The following VWA3B variants were observed in gnomAD, a reference collection of about 807,000 sequenced individuals.
The protein encoded by VWA3B is von Willebrand factor A domain containing 3B.
In VWA3B, 138 loss-of-function variants were observed where a neutral mutation model predicts 158.3. The ratio of observed to expected loss-of-function variants is 0.87; its 90% CI spans 0.76 to 1.00. The LOEUF is 1.00. Among genes scored for constraint, VWA3B ranks in the 50% least tolerant of loss-of-function variants. VWA3B has a pLI of 0.00. For missense variants in VWA3B, 1,555 were observed against 1,565.1 expected, an observed-to-expected ratio of 0.99 and a Z score of 0.11; for synonymous variants, 596 against 587.3, an observed-to-expected ratio of 1.01 and a Z score of -0.21.
chr2:98,278,674 T>C (rs975086894), intron 22 of VWA3B, among the ~76,000 whole-genome samples: 4 of 152,070 alleles, frequency 2.6e-5, no homozygotes, highest in African/African-American at 9.7e-5. Flanking sequence ...CTCAACGACG[T>C]CAGGCTGCTG....
chr2:98,116,897 C>T (rs1371877404), intron 3 of VWA3B, among the ~76,000 whole-genome samples: 1 of 152,172 alleles, frequency 6.6e-6, no homozygotes, highest in Non-Finnish European at 1.5e-5. Flanking sequence ...CTTTCCTCAG[C>T]TTGGTCTAGT....
Position 98,312,217 on chromosome 2 carries a change from C to T in VWA3B, c.3753C>T (p.Phe1251=). Residue 1251 remains phenylalanine (F), a synonymous_variant, in exon 28 of 28, where the codon TTC becomes TTT. Coordinates refer to ENST00000477737, the MANE Select transcript of VWA3B (RefSeq NM_144992.5). The part of the protein sequence containing the change: ...HPEPRTAHLH[F]PAAGRLGLSS... ...TTCCCCAGACAGCCCACCTCCACTTCCCCGCGGCCGGGCGTCTAGGACTCA... is the reference window on the plus strand; with the variant it reads ...TTCCCCAGACAGCCCACCTCCACTTTCCCGCGGCCGGGCGTCTAGGACTCA... 1.2e-6 allele frequency: 2 copies of T among 1,614,210 alleles called. No homozygotes were observed. Among genetic ancestry groups the T allele is most frequent in the Admixed American group, 1.7e-5 (1 of 60,032 alleles).
At chr2:98,153,618 C>G (rs1677817710) in intron 7 of VWA3B, among the ~76,000 whole-genome samples, 1 of 152,188 alleles carries the variant, frequency 6.6e-6, no homozygotes, top group East Asian at 1.9e-4. Flanking sequence ...GGCATTGCTT[C>G]TTTGTTTCTA....
chr2:98,199,086 C>CCA (rs1553411934), intron 12 of VWA3B, among the ~76,000 whole-genome samples: 8 of 143,906 alleles, frequency 5.6e-5, no homozygotes, highest in African/African-American at 2.0e-4. Flanking sequence ...GACTCCGTCT[C>CCA]AAAAAAAAAA....
chr2:98,280,875 C>A (rs552599005), intron 22 of VWA3B, among the ~76,000 whole-genome samples: 1 of 152,202 alleles, frequency 6.6e-6, no homozygotes, highest in South Asian at 2.1e-4. Flanking sequence ...CTTGAGCCCC[C>A]GCCCAGATGT....
Position 98,250,572 on chromosome 2 carries a change from T to C in VWA3B, c.2792+136T>C. ...TAAAAATTGTTCAGGCTGGGTGTGG[T>C]AGTTCATGCCTGTAATCCCAGCACT... is the stretch of plus-strand genomic sequence containing the variant. On this transcript the variant is annotated intron_variant, in intron 20 of 27. Coordinates refer to ENST00000477737, the MANE Select transcript of VWA3B (RefSeq NM_144992.5). 4 of 702,626 alleles carry C rather than the reference T, an allele frequency of 5.7e-6. No individual in the cohort carries two copies. The South Asian group carries it at 6.3e-5, about 11-fold the overall frequency. 43.5% of individuals were successfully genotyped at this position (702,626 alleles called of 1,614,324 possible).
intron 8 of VWA3B, among the ~76,000 whole-genome samples, chr2:98,178,696 C>G (rs1401798565): frequency 6.6e-6 from 1 of 152,184 alleles, no homozygotes; most frequent in African/African-American, 2.4e-5. Flanking sequence ...AATACAGTTG[C>G]CTGGGGAGCT....
At chr2:98,128,057 C>G (rs1675521982) in intron 5 of VWA3B, 182 bp from the exon 6 acceptor site, 2 of 649,816 alleles carry the variant, frequency 3.1e-6, no homozygotes, top group Middle Eastern at 4.1e-4. Context: ...TTCCTGGTAC[C>G]AAGCCTTGAA....
Position 98,163,687 on chromosome 2 carries a change from C to T in VWA3B, c.1114+711C>T, listed in dbSNP as rs186594865. 1.1e-3 allele frequency among the ~76,000 whole-genome samples: 167 copies of T among 152,144 alleles called. 1 individual carries two copies. The highest frequency in any genetic ancestry group is 2.5e-3 in the African/African-American group (104 of 41,476). ...GGATTCATAGCCAAGGTCAGGGGGA[C>T]GCCAGTGGATGGAAAATTATTAAGA... On this transcript the variant is annotated intron_variant, in intron 8 of 27. Transcript: ENST00000477737.
At chr2:98,261,320 A>G (rs551864735) in intron 21 of VWA3B, among the ~76,000 whole-genome samples, 41 of 151,876 alleles carry the variant, frequency 2.7e-4, no homozygotes, top group Middle Eastern at 6.8e-3. Context: ...AACCTCTTTC[A>G]TATAGTTATT....
chr2:98,245,433 G>A (rs2105777848), intron 19 of VWA3B: 3 of 398,268 alleles, frequency 7.5e-6, no homozygotes, highest in South Asian at 3.7e-5. Context: ...CCACCATGTT[G>A]TAAAAACTAA....
chr2:98,121,525 G>A, intron 5 of VWA3B, 67 bp downstream of exon 5: 1 of 1,576,466 alleles, frequency 6.3e-7, no homozygotes, highest in Non-Finnish European at 8.6e-7. Context: ...TTCACACTCA[G>A]TGACTTTACA....
chr2:98,290,674 T>G (rs776087377), intron 23 of VWA3B, 52 bp downstream of exon 23: 1 of 1,274,746 alleles, frequency 7.8e-7, no homozygotes, highest in African/African-American at 1.5e-5. Context: ...AATTTGATAC[T>G]AGGGACAAGA....
intron 25 of VWA3B, among the ~76,000 whole-genome samples, chr2:98,303,262 C>T (rs1021297037): frequency 2.2e-4 from 22 of 102,200 alleles, no homozygotes; most frequent in African/African-American, 6.8e-4. Context: ...TGGCCGGGGG[C>T]GGGGGGTGGA....
intron 2 of VWA3B, among the ~76,000 whole-genome samples, chr2:98,107,527 AG>A (rs1352394344): frequency 6.6e-6 from 1 of 152,116 alleles, no homozygotes; most frequent in Non-Finnish European, 1.5e-5. Flanking sequence ...TCCTTTTTGA[AG>A]AAGTTTTAAG....
intron 15 of VWA3B, among the ~76,000 whole-genome samples, chr2:98,229,605 T>G (rs1444906816): frequency 6.6e-6 from 1 of 152,206 alleles, no homozygotes; most frequent in Admixed American, 6.5e-5. Flanking sequence ...CTCTAGCTTT[T>G]ATAAGTGCTT....
At chr2:98,211,518 C>CA (rs1157450981) in intron 12 of VWA3B, among the ~76,000 whole-genome samples, 1 of 152,222 alleles carries the variant, frequency 6.6e-6, no homozygotes, top group Non-Finnish European at 1.5e-5. Context: ...ATACCACACT[C>CA]ACGTTTACCA....
chr2:98,280,976 A>G lies in VWA3B; in HGVS notation c.3046-9535A>G, dbSNP rs1044011269. On this transcript the variant is annotated intron_variant, in intron 22 of 27. Coordinates refer to ENST00000477737, the MANE Select transcript of VWA3B (RefSeq NM_144992.5). ...ACTTAGAGCTTCACTTCTTTAGCAC[A>G]ATATTTGCCTTCTGTTAAAGTGCAA... Among the ~76,000 whole-genome samples the G allele has an allele frequency of 1.1e-4, 16 of 152,144 alleles. No individual in the cohort carries two copies. In the South Asian group the frequency reaches 3.1e-3, roughly 30 times the overall value.
At chr2:98,158,826 G>A (rs1194091510) in intron 7 of VWA3B, among the ~76,000 whole-genome samples, 1 of 152,130 alleles carries the variant, frequency 6.6e-6, no homozygotes, top group Non-Finnish European at 1.5e-5. Flanking sequence ...CTCTGACCGG[G>A]TTCATGGTGC....
Sources: gnomAD v4.1 joint callset for allele counts (sites outside exome capture counted in the v4.1 genomes callset) on GRCh38, gnomAD v4.1.1 for gene constraint, MANE v1.5 for transcripts, NCBI Gene and HGNC (gene_info 2026-07-23, HGNC 2026-07-21) for gene names.